The following SPOCK1 variants were observed in gnomAD, a reference collection of about 807,000 sequenced individuals.
SPOCK1 encodes SPARC (osteonectin), cwcv and kazal like domains proteoglycan 1.
Under a neutral mutation model 55.3 loss-of-function variants are expected in SPOCK1, and 23 were observed. That is an observed-to-expected ratio of 0.42 (90% CI 0.30 to 0.59). SPOCK1 has a LOEUF of 0.59. Among genes scored for constraint, SPOCK1 ranks in the 20% least tolerant of loss-of-function variants. The pLI is 0.22. For synonymous variants in SPOCK1, 226 were observed against 221.0 expected, an observed-to-expected ratio of 1.02 and a Z score of -0.20; for missense variants, 499 against 552.5, an observed-to-expected ratio of 0.90 and a Z score of 0.97.
At chr5:137,088,717 A>G (rs1395660756) in intron 5 of SPOCK1, among the ~76,000 whole-genome samples, 1 of 152,084 alleles carries the variant, frequency 6.6e-6, no homozygotes, top group African/African-American at 2.4e-5. Context: ...AGATCAACAA[A>G]TGGATCAATT....
intron 2 of SPOCK1, among the ~76,000 whole-genome samples, chr5:137,291,079 T>C (rs1757361359): frequency 6.6e-6 from 1 of 152,208 alleles, no homozygotes; most frequent in South Asian, 2.1e-4. Flanking sequence ...TAGATTCACC[T>C]GGTAGTCTTG....
intron 3 of SPOCK1, among the ~76,000 whole-genome samples, chr5:137,247,918 C>A (rs533621042): frequency 9.2e-5 from 14 of 152,258 alleles, no homozygotes; most frequent in African/African-American, 3.4e-4. Context: ...GATCTGCCCC[C>A]CAAAAACCCA....
chr5:137,224,786 C>A (rs576340164), intron 3 of SPOCK1, among the ~76,000 whole-genome samples: 60 of 152,276 alleles, frequency 3.9e-4, no homozygotes, highest in African/African-American at 1.3e-3. Flanking sequence ...AGCATGGGAG[C>A]CTTGTCCTTC....
chr5:137,080,726 A>G (rs1245232144), intron 5 of SPOCK1, among the ~76,000 whole-genome samples: 1 of 152,166 alleles, frequency 6.6e-6, no homozygotes, highest in Admixed American at 6.5e-5. Flanking sequence ...AGCCCCACAA[A>G]GCCCTGCCAC....
chr5:137,009,874 C>G (rs1751319146), intron 6 of SPOCK1, among the ~76,000 whole-genome samples: 1 of 152,052 alleles, frequency 6.6e-6, no homozygotes, highest in African/African-American at 2.4e-5. Context: ...GGTGCTTGGT[C>G]TCCCCTCTCC....
chr5:136,999,273 G>T (rs548956943), intron 6 of SPOCK1, among the ~76,000 whole-genome samples: 134 of 152,224 alleles, frequency 8.8e-4, no homozygotes, highest in Middle Eastern at 3.4e-3. Flanking sequence ...ATTAGTATTT[G>T]CTTATGTGGC....
chr5:137,195,089 G>T lies in SPOCK1; in HGVS notation c.233-54395C>A, dbSNP rs528490764. ...ATTAAATTCACCACACGGCAAAGGG[G>T]TCATCCATCACTTCTTTTGTTTTCT... On this transcript the variant is annotated intron_variant, in intron 3 of 10. Transcript: ENST00000394945. 2.6e-5 allele frequency among the ~76,000 whole-genome samples: 4 copies of T among 152,294 alleles called. No homozygotes were observed. In the East Asian group the frequency reaches 7.7e-4, roughly 29 times the overall value.
At chr5:137,060,422 G>A (rs898928568) in intron 6 of SPOCK1, among the ~76,000 whole-genome samples, 1 of 152,044 alleles carries the variant, frequency 6.6e-6, no homozygotes, top group Non-Finnish European at 1.5e-5. Flanking sequence ...CACAAAGAAG[G>A]GAACACTAGA....
At chr5:137,288,901 G>C (rs1305974425) in intron 2 of SPOCK1, among the ~76,000 whole-genome samples, 1 of 152,204 alleles carries the variant, frequency 6.6e-6, no homozygotes, top group Non-Finnish European at 1.5e-5. Context: ...TTTTTCCTCA[G>C]TACTGAACTA....
At chr5:137,021,238 G>A (rs1339534569) in intron 6 of SPOCK1, among the ~76,000 whole-genome samples, 1 of 152,132 alleles carries the variant, frequency 6.6e-6, no homozygotes, top group Non-Finnish European at 1.5e-5. Flanking sequence ...CAGCAGCATA[G>A]ATAAATTTTG....
chr5:136,984,276 A>G (rs1750795446), intron 9 of SPOCK1, among the ~76,000 whole-genome samples: 1 of 152,230 alleles, frequency 6.6e-6, no homozygotes, highest in African/African-American at 2.4e-5. Context: ...GACAATCTGC[A>G]AGAAAACTTG....
At chr5:137,460,314 C>T (rs1753456387) in intron 2 of SPOCK1, among the ~76,000 whole-genome samples, 1 of 152,128 alleles carries the variant, frequency 6.6e-6, no homozygotes, top group Non-Finnish European at 1.5e-5. Flanking sequence ...AATCTCCGCC[C>T]CTGTATGCTT....
At chr5:137,185,158 G>T (rs549149095) in intron 3 of SPOCK1, among the ~76,000 whole-genome samples, 50 of 152,186 alleles carry the variant, frequency 3.3e-4, no homozygotes, top group Non-Finnish European at 6.8e-4. Flanking sequence ...GTTGGGAGAG[G>T]GGGAGGGAAG....
In SPOCK1 at chr5:137,377,308, T is replaced by C. The variant is rs77514388; in HGVS notation, c.187-110253A>G. On this transcript the variant is annotated intron_variant, in intron 2 of 10. Coordinates refer to ENST00000394945, the MANE Select transcript of SPOCK1 (RefSeq NM_004598.4). ...CTGATGCCTCTGCAACACAGGACTC[T>C]GACAGGGTAGAAATTTGTGTGGGGA... 2.5e-3 allele frequency among the ~76,000 whole-genome samples: 384 copies of C among 152,314 alleles called. 2 individuals carry two copies. The highest frequency in any genetic ancestry group is 8.6e-3 in the African/African-American group (359 of 41,568).
At chr5:137,389,261 TG>T (rs1751662445) in intron 2 of SPOCK1, among the ~76,000 whole-genome samples, 1 of 152,248 alleles carries the variant, frequency 6.6e-6, no homozygotes, top group African/African-American at 2.4e-5. Context: ...CACCTTGTCC[TG>T]GTCCTGTCTG....
intron 2 of SPOCK1, among the ~76,000 whole-genome samples, chr5:137,305,526 A>C (rs1490806577): frequency 6.6e-6 from 1 of 152,234 alleles, no homozygotes; most frequent in Non-Finnish European, 1.5e-5. Context: ...TGGCCACCGG[A>C]AGTGCTCCAT....
intron 7 of SPOCK1, 37 bp downstream of exon 7, chr5:136,992,447 A>T: frequency 6.6e-7 from 1 of 1,504,440 alleles, no homozygotes; most frequent in Non-Finnish European, 9.1e-7. Context: ...TCAATGTCTA[A>T]TAAATTGAGG....
At chr5:137,016,531 A>G (rs1304184292) in intron 6 of SPOCK1, among the ~76,000 whole-genome samples, 3 of 152,248 alleles carry the variant, frequency 2.0e-5, no homozygotes, top group Admixed American at 2.0e-4. Context: ...TCTGTGGGAA[A>G]CAGGCTTGTA....
chr5:137,235,581 G>A (rs1294304165), intron 3 of SPOCK1, among the ~76,000 whole-genome samples: 3 of 152,232 alleles, frequency 2.0e-5, no homozygotes, highest in Non-Finnish European at 4.4e-5. Flanking sequence ...ATGTATACAA[G>A]TGAAATGTTG....
Sources: allele counts gnomAD v4.1 joint callset (sites outside exome capture counted in the v4.1 genomes callset), GRCh38; gene constraint gnomAD v4.1.1; transcripts MANE v1.5; gene names NCBI Gene and HGNC (gene_info 2026-07-23, HGNC 2026-07-21).